Variants in PLA2G4C observed in about 807,000 individuals in gnomAD.
The protein encoded by PLA2G4C is phospholipase A2 group IVC, also known as cytosolic phospholipase A2 gamma.
Under a neutral mutation model 73.8 loss-of-function variants are expected in PLA2G4C, and 64 were observed. The observed-to-expected ratio is 0.87, with a 90% CI of 0.71 to 1.07. The LOEUF is 1.07. PLA2G4C is among the 50% of genes least tolerant of loss of function. The probability of loss-of-function intolerance (pLI) is 0.00; values close to 1 mark genes in which losing one functional copy is unlikely to be tolerated. For missense variants in PLA2G4C, 622 were observed against 665.4 expected, an observed-to-expected ratio of 0.93 and a Z score of 0.72; for synonymous variants, 254 against 252.1, an observed-to-expected ratio of 1.01 and a Z score of -0.07.
chr19:48,062,941 G>A (rs1341316089), intron 13 of PLA2G4C, among the ~76,000 whole-genome samples: 1 of 152,174 alleles, frequency 6.6e-6, no homozygotes, highest in East Asian at 1.9e-4. Flanking sequence ...AGGAAGACCC[G>A]AGATGTCAAT....
chr19:48,048,649 G>A (rs557097639), intron 16 of PLA2G4C, among the ~76,000 whole-genome samples: 1 of 152,304 alleles, frequency 6.6e-6, no homozygotes, highest in African/African-American at 2.4e-5. Flanking sequence ...GGGCTAGGAG[G>A]TAACTCTTTG....
chr19:48,097,933 T>C (rs2031685185), intron 6 of PLA2G4C: 3 of 477,794 alleles, frequency 6.3e-6, no homozygotes, highest in Non-Finnish European at 1.1e-5. Context: ...AAGGTTTTCT[T>C]GATCCATGCA....
At chr19:48,048,852 T>A (rs1967618046) in intron 16 of PLA2G4C, among the ~76,000 whole-genome samples, 1 of 152,172 alleles carries the variant, frequency 6.6e-6, no homozygotes, top group Non-Finnish European at 1.5e-5. Flanking sequence ...TGATCCCCAG[T>A]GTTGGAGGTG....
Position 48,071,276 on chromosome 19 carries a change from G to C in PLA2G4C, c.1007-3390C>G, listed in dbSNP as rs1374080058. The stretch of plus-strand genomic sequence containing the variant: ...AACATGTTAAAGAAAACTAAATGTG[G>C]CCTGAGGACTCCATACTTCTTCTTT... On this transcript the variant is annotated intron_variant, in intron 12 of 16. Transcript: ENST00000599921. Among the ~76,000 whole-genome samples the C allele has an allele frequency of 2.0e-5, 3 of 147,492 alleles. No homozygotes were observed. In the Admixed American group the frequency reaches 2.1e-4, roughly 10 times the overall value.
At position 48,057,483 on chromosome 19, in the gene PLA2G4C, CTTTTTTTTTT is replaced by C. The variant is rs1171271257; in HGVS notation, c.1258-2444_1258-2435del. Reference sequence around the variant, plus strand: ...TCTTCTTCTTCTTCTTCTTCTTCTTCTTTTTTTTTTTTTTTTTTTTTTTTTTGACAGAGTC... The same window carrying C: ...TCTTCTTCTTCTTCTTCTTCTTCTTCTTTTTTTTTTTTTTTTGACAGAGTC... On this transcript the variant is annotated intron_variant, in intron 14 of 16. Transcript: ENST00000599921. 6.6e-3 allele frequency among the ~76,000 whole-genome samples: 119 copies of C among 17,916 alleles called. 1 individual carries two copies. Among genetic ancestry groups the C allele is most frequent in the African/African-American group, 0.018 (113 of 6,190 alleles). The allele number at this position is 17,916 out of a possible 152,430, so 11.8% of individuals were successfully genotyped here.
At chr19:48,058,967 G>A (rs137926179) in intron 14 of PLA2G4C, among the ~76,000 whole-genome samples, 2 of 152,144 alleles carry the variant, frequency 1.3e-5, no homozygotes, top group African/African-American at 4.8e-5. Context: ...TTACAGATAT[G>A]TCTTGCTTAA....
At chr19:48,055,129 A>G in intron 14 of PLA2G4C, 80 bp from the exon 15 acceptor site, 1 of 1,244,414 alleles carries the variant, frequency 8.0e-7, no homozygotes, top group Non-Finnish European at 1.1e-6. Flanking sequence ...CTGGAGACCC[A>G]ATGGGACCTC....
At chr19:48,054,641 C>A (rs1328024111) in intron 15 of PLA2G4C, among the ~76,000 whole-genome samples, 1 of 152,024 alleles carries the variant, frequency 6.6e-6, no homozygotes, top group Non-Finnish European at 1.5e-5. Context: ...AAGCATCTGG[C>A]AATTGCCCTG....
intron 1 of PLA2G4C, chr19:48,108,789 C>CATG (rs2032352411): frequency 6.6e-6 from 1 of 152,198 alleles, no homozygotes; most frequent in Admixed American, 6.6e-5. Context: ...GTCACCTGGG[C>CATG]ATGATGGCGG....
At chr19:48,099,068 T>C (rs541383176) in intron 5 of PLA2G4C, among the ~76,000 whole-genome samples, 1 of 150,668 alleles carries the variant, frequency 6.6e-6, no homozygotes, top group South Asian at 2.1e-4. Flanking sequence ...GAGACCAGCC[T>C]GGGCAATATA....
At chr19:48,067,172 T>A (rs1213314236) in intron 13 of PLA2G4C, among the ~76,000 whole-genome samples, 2 of 110,566 alleles carry the variant, frequency 1.8e-5, no homozygotes, top group Admixed American at 1.7e-4. Flanking sequence ...AAATGTGTGT[T>A]GTTTTTTTTT....
chr19:48,099,708 A>C lies in PLA2G4C; in HGVS notation c.410T>G (p.Phe137Cys), dbSNP rs747069902. ...ARSENYSLTD[F>C]WAYMVISKQT... is the part of the protein sequence containing the mutation. ...CTTAGAGATAACCATGTAGGCCCAG[A>C]AGTCGGTCAGAGAGTAATTCTCAGA... The change falls in exon 5 of 17, where the codon TTC becomes TGC. Residue 137 changes from phenylalanine to cysteine, a missense_variant. Coordinates refer to ENST00000599921, the MANE Select transcript of PLA2G4C (RefSeq NM_003706.3). The C allele has an allele frequency of 3.1e-6, 5 of 1,614,070 alleles. No homozygotes were observed. The highest frequency in any genetic ancestry group is 4.2e-6 in the Non-Finnish European group (5 of 1,180,000).
chr19:48,077,917 A>T (rs2030277785), intron 10 of PLA2G4C, 93 bp from the exon 11 acceptor site: 1 of 1,023,488 alleles, frequency 9.8e-7, no homozygotes, highest in African/African-American at 1.6e-5. Flanking sequence ...CTTTAATAGA[A>T]ATGGCAGCCA....
chr19:48,059,752 T>C (rs1419497340), intron 14 of PLA2G4C, among the ~76,000 whole-genome samples: 2 of 148,984 alleles, frequency 1.3e-5, no homozygotes, highest in Non-Finnish European at 3.0e-5. Context: ...GGCTGCACTG[T>C]GGGCTTCCCT....
chr19:48,098,976 C>T (rs556640733), intron 5 of PLA2G4C, among the ~76,000 whole-genome samples: 24 of 151,540 alleles, frequency 1.6e-4, no homozygotes, highest in African/African-American at 4.8e-4. Context: ...GGCTCATACA[C>T]GTAATCCCAG....
chr19:48,105,763 C>A (rs1459668914), intron 2 of PLA2G4C, among the ~76,000 whole-genome samples: 10 of 149,412 alleles, frequency 6.7e-5, no homozygotes, highest in Non-Finnish European at 3.0e-5. Flanking sequence ...AGTTCAAGAC[C>A]AGCCTGGCCA....
Position 48,110,568 on chromosome 19 carries a change from G to C in PLA2G4C, c.-114C>G. 2 of 357,032 alleles carry C rather than the reference G, an allele frequency of 5.6e-6. No homozygotes were observed. Among genetic ancestry groups the C allele is most frequent in the Non-Finnish European group, 7.2e-6 (2 of 279,338 alleles). 22.1% of individuals were successfully genotyped at this position (357,032 alleles called of 1,614,324 possible). ...CGGTGCGGAGGCTTGGGCTCCCTGC[G>C]CTTAGCGGTGTAGTCGCTGGACAGC... On this transcript the variant is annotated 5_prime_UTR_variant, in exon 1 of 17. Coordinates refer to ENST00000599921, the MANE Select transcript of PLA2G4C (RefSeq NM_003706.3).
chr19:48,063,925 T>C (rs1968303035), intron 13 of PLA2G4C: 1 of 151,496 alleles, frequency 6.6e-6, no homozygotes, highest in Non-Finnish European at 1.5e-5. Flanking sequence ...GAATTCAGGG[T>C]GAGTCCACAG....
chr19:48,093,147 A>T (rs2031397099), intron 7 of PLA2G4C, among the ~76,000 whole-genome samples: 1 of 151,880 alleles, frequency 6.6e-6, no homozygotes. Flanking sequence ...AATGTGAAGG[A>T]CCCCGTCTGT....
Sources: allele counts gnomAD v4.1 joint callset (sites outside exome capture counted in the v4.1 genomes callset), GRCh38; gene constraint gnomAD v4.1.1; transcripts MANE v1.5; gene names NCBI Gene and HGNC (gene_info 2026-07-23, HGNC 2026-07-21).